The following NSD1 variants were observed in gnomAD, a reference collection of about 807,000 sequenced individuals.
NSD1 encodes the protein histone-lysine N-methyltransferase, H3 lysine-36 specific.
Under a neutral mutation model 242.7 loss-of-function variants are expected in NSD1, and 26 were observed. The ratio of observed to expected loss-of-function variants is 0.11; its 90% CI spans 0.08 to 0.15. The LOEUF (loss-of-function observed/expected upper bound fraction) is 0.15, where lower values mean the gene tolerates loss of function less well. Ranked by LOEUF, NSD1 falls within the 10% of genes least tolerant of loss-of-function variation. The pLI is 1.00. For synonymous variants in NSD1, 1,106 were observed against 1,178.1 expected (o/e 0.94, Z 1.25); for missense variants, 2,495 against 3,272.8 (o/e 0.76, Z 5.80).
At chr5:177,244,461 T>C (rs1034369363) in intron 9 of NSD1, among the ~76,000 whole-genome samples, 191 bp downstream of exon 9, 1 of 152,188 alleles carries the variant, frequency 6.6e-6, no homozygotes, top group South Asian at 2.1e-4. Context: ...ACCAGGACTT[T>C]TAGTAGGAAT....
chr5:177,242,312 G>A (rs1765935725), intron 8 of NSD1, among the ~76,000 whole-genome samples: 1 of 151,912 alleles, frequency 6.6e-6, no homozygotes, highest in Non-Finnish European at 1.5e-5. Context: ...GATTTGTCTA[G>A]GAGTCTCGTT....
Position 177,294,227 on chromosome 5 carries a change from G to A in NSD1, c.6859G>A (p.Asp2287Asn). 1 of 1,613,490 alleles carries A rather than the reference G, an allele frequency of 6.2e-7. No individual in the cohort carries two copies. Among genetic ancestry groups the A allele is most frequent in the Non-Finnish European group, 8.5e-7 (1 of 1,179,508 alleles). ...LLPERPLERT[D>N]SRPQPLDKVR... The stretch of plus-strand genomic sequence containing the variant: ...ACCTGAAAGACCTCTTGAGAGAACT[G>A]ACTCCAGGCCCCAGCCTTTAGATAA... Residue 2287 changes from aspartate to asparagine, a missense_variant, in exon 23 of 23, where the codon GAC (aspartate) becomes AAC (asparagine). By Grantham distance (23) the Asp-to-Asn change is conservative. This residue lies in a region of NSD1 where 475 missense variants were observed against 563.7 expected (regional missense o/e 0.84). Transcript: ENST00000439151.
intron 3 of NSD1, among the ~76,000 whole-genome samples, chr5:177,197,452 C>G: frequency 6.6e-6 from 1 of 152,074 alleles, no homozygotes; most frequent in Non-Finnish European, 1.5e-5. Flanking sequence ...GAAACCCTGT[C>G]TCTACTAAAA....
intron 3 of NSD1, among the ~76,000 whole-genome samples, chr5:177,196,562 C>T (rs1476055374): frequency 2.6e-5 from 4 of 152,290 alleles, no homozygotes; most frequent in South Asian, 2.1e-4. Flanking sequence ...ATGGCTCCCA[C>T]GTTTTTAGCT....
chr5:177,185,294 C>T (rs1342328047), intron 2 of NSD1, among the ~76,000 whole-genome samples: 1 of 151,730 alleles, frequency 6.6e-6, no homozygotes, highest in East Asian at 1.9e-4. Context: ...ATGGTGAAAC[C>T]CTGTCTCTAC....
At chr5:177,179,750 T>C (rs1760505280) in intron 2 of NSD1, among the ~76,000 whole-genome samples, 1 of 152,146 alleles carries the variant, frequency 6.6e-6, no homozygotes, top group South Asian at 2.1e-4. Flanking sequence ...TCCAGAGGAA[T>C]TGATTAACTA....
intron 2 of NSD1, among the ~76,000 whole-genome samples, chr5:177,141,436 T>G (rs1382341122): frequency 6.8e-6 from 1 of 147,490 alleles, no homozygotes; most frequent in African/African-American, 2.5e-5. Context: ...GTTCAAGAGA[T>G]TCTTGTGCCT....
intron 16 of NSD1, among the ~76,000 whole-genome samples, chr5:177,273,299 A>G (rs1477544680): frequency 2.1e-5 from 3 of 144,566 alleles, no homozygotes; most frequent in South Asian, 4.5e-4. Context: ...AACAGTAACA[A>G]TAACTGATGA....
intron 4 of NSD1, among the ~76,000 whole-genome samples, chr5:177,206,607 ATACT>A (rs1303475834): frequency 6.6e-6 from 1 of 152,214 alleles, no homozygotes; most frequent in Non-Finnish European, 1.5e-5. Flanking sequence ...TAAGTATAAA[ATACT>A]TAATATGACA....
intron 10 of NSD1, 125 bp from the exon 11 acceptor site, chr5:177,248,056 G>A (rs966895837): frequency 1.6e-5 from 25 of 1,536,288 alleles, no homozygotes; most frequent in African/African-American, 5.5e-5. Context: ...CATGCAGTCC[G>A]CCCGAGTGAT....
At chr5:177,223,166 C>T (rs1199851444) in intron 5 of NSD1, among the ~76,000 whole-genome samples, 1 of 151,436 alleles carries the variant, frequency 6.6e-6, no homozygotes, top group African/African-American at 2.4e-5. Context: ...ACTGCAACGT[C>T]TGCCTCCTGG....
At chr5:177,287,643 G>GA (rs1308989901) in intron 20 of NSD1, among the ~76,000 whole-genome samples, 2 of 150,652 alleles carry the variant, frequency 1.3e-5, no homozygotes, top group African/African-American at 2.4e-5. Flanking sequence ...CTCAAAGAAA[G>GA]AAAAAGAAAA....
At chr5:177,173,838 T>G (rs10043805) in intron 2 of NSD1, among the ~76,000 whole-genome samples, 2,492 of 152,332 alleles carry the variant, frequency 0.016, 77 homozygotes, top group African/African-American at 0.057. Context: ...TATTATTGAT[T>G]GGTCTTCTGA....
chr5:177,248,243 A>G lies in NSD1; in HGVS notation c.4560A>G (p.Glu1520=). ...SPKETVEEGV[E]HDPGMPASKK... is the part of the protein sequence containing the mutation. ...AGGAGACTGTTGAGGAAGGTGTAGA[A>G]CACGATCCCGGGATGCCTGCCTCTA... Residue 1520 remains glutamate, a synonymous_variant, in exon 11 of 23, where the codon GAA becomes GAG. Transcript: ENST00000439151. 2.5e-6 allele frequency: 4 copies of G among 1,614,068 alleles called. No homozygotes were observed. Among genetic ancestry groups the G allele is most frequent in the Non-Finnish European group, 3.4e-6 (4 of 1,180,008 alleles).
chr5:177,209,482 T>C (rs926098899), intron 4 of NSD1, among the ~76,000 whole-genome samples, 154 bp from the exon 5 acceptor site: 2 of 149,550 alleles, frequency 1.3e-5, no homozygotes, highest in Admixed American at 6.7e-5. Flanking sequence ...TGAGCGAAGA[T>C]TGTGCCACTG....
chr5:177,254,099 C>A (rs1756227947), intron 12 of NSD1, among the ~76,000 whole-genome samples: 1 of 152,130 alleles, frequency 6.6e-6, no homozygotes, highest in African/African-American at 2.4e-5. Flanking sequence ...AGGCATGTGC[C>A]ACCACTCCTG....
At chr5:177,159,011 TATATATATATATATGAATG>T (rs924572620) in intron 2 of NSD1, among the ~76,000 whole-genome samples, 7 of 132,116 alleles carry the variant, frequency 5.3e-5, no homozygotes, top group African/African-American at 1.7e-4. Context: ...TATATATATA[TATATATATATATATGAATG>T]ATATATATAT....
At chr5:177,201,195 T>C (rs1436563512) in intron 3 of NSD1, among the ~76,000 whole-genome samples, 1 of 152,084 alleles carries the variant, frequency 6.6e-6, no homozygotes, top group African/African-American at 2.4e-5. Flanking sequence ...CCTAAGCATC[T>C]GTGTCTTTTT....
intron 2 of NSD1, among the ~76,000 whole-genome samples, chr5:177,147,182 T>C (rs757809202): frequency 2.6e-5 from 4 of 152,114 alleles, no homozygotes; most frequent in Non-Finnish European, 4.4e-5. Context: ...CTCAGCTCAC[T>C]GCACCCTCTG....
Sources: gnomAD v4.1 joint callset for allele counts (sites outside exome capture counted in the v4.1 genomes callset) on GRCh38, gnomAD v4.1.1 for gene constraint, gnomAD v4.1.1 regional missense constraint, MANE v1.5 for transcripts, NCBI Gene and HGNC (gene_info 2026-07-23, HGNC 2026-07-21) for gene names.